ARHGAP10: variants seen among roughly 807,000 people sequenced by gnomAD.
ARHGAP10 encodes rho GTPase-activating protein 10.
ARHGAP10 carries 87 observed loss-of-function variants against 108.6 expected under a neutral mutation model. The ratio of observed to expected loss-of-function variants is 0.80; its 90% confidence interval spans 0.67 to 0.96. The LOEUF (loss-of-function observed/expected upper bound fraction) is 0.96. ARHGAP10 is among the 40% of genes least tolerant of loss of function. The pLI, the probability that ARHGAP10 is intolerant of heterozygous loss-of-function variation, is 0.00. For missense variants in ARHGAP10, 939 were observed against 954.5 expected, an observed-to-expected ratio of 0.98 and a Z score of 0.21; for synonymous variants, 347 against 341.1, an observed-to-expected ratio of 1.02 and a Z score of -0.19.
chr4:147,732,503 T>TG, intron 1 of ARHGAP10, 48 bp downstream of exon 1: 1 of 1,600,828 alleles, frequency 6.2e-7, no homozygotes, highest in Non-Finnish European at 8.5e-7. Flanking sequence ...GCGAGGCGGC[T>TG]GGGGGAGCCT....
chr4:147,850,490 G>A (rs138184890), intron 4 of ARHGAP10, among the ~76,000 whole-genome samples: 55 of 152,254 alleles, frequency 3.6e-4, no homozygotes, highest in African/African-American at 1.2e-3. Flanking sequence ...AACCCAGCGG[G>A]AGGAACAGAC....
Position 147,809,757 on chromosome 4 carries a change from C to T in ARHGAP10, c.155-12970C>T, listed in dbSNP as rs574630154. Among the ~76,000 whole-genome samples the T allele has an allele frequency of 3.9e-5, 6 of 152,258 alleles. No homozygotes were observed. In the East Asian group the frequency reaches 1.2e-3, roughly 29 times the overall value. On this transcript the variant is annotated intron_variant, in intron 1 of 22. Coordinates refer to ENST00000336498, the MANE Select transcript of ARHGAP10 (RefSeq NM_024605.4). ...GTTTTGGGATGACTCAAGTGCATGACATTTATCATTAGATTCTCATAAGGA... is the reference window on the plus strand; with the variant it reads ...GTTTTGGGATGACTCAAGTGCATGATATTTATCATTAGATTCTCATAAGGA...
At chr4:147,794,229 T>C (rs1171655151) in intron 1 of ARHGAP10, among the ~76,000 whole-genome samples, 1 of 152,192 alleles carries the variant, frequency 6.6e-6, no homozygotes, top group African/African-American at 2.4e-5. Flanking sequence ...AATTTGTTCA[T>C]TGAGAGAACA....
chr4:147,764,739 T>G (rs1729724750), intron 1 of ARHGAP10, among the ~76,000 whole-genome samples: 1 of 152,056 alleles, frequency 6.6e-6, no homozygotes, highest in African/African-American at 2.4e-5. Flanking sequence ...TTCGCTATGT[T>G]ACCCAGGCTG....
intron 13 of ARHGAP10, among the ~76,000 whole-genome samples, chr4:147,931,389 A>T (rs1737674965): frequency 6.6e-6 from 1 of 151,936 alleles, no homozygotes; most frequent in African/African-American, 2.4e-5. Context: ...GACAATATTG[A>T]TATCAATATC....
chr4:147,837,899 T>C (rs1395928180), intron 3 of ARHGAP10, among the ~76,000 whole-genome samples: 1 of 152,060 alleles, frequency 6.6e-6, no homozygotes, highest in Non-Finnish European at 1.5e-5. Context: ...CAACATTATT[T>C]TCCCAGAAGA....
chr4:147,927,812 G>A (rs1271421231), intron 13 of ARHGAP10, among the ~76,000 whole-genome samples: 2 of 152,198 alleles, frequency 1.3e-5, no homozygotes, highest in African/African-American at 4.8e-5. Flanking sequence ...CATGCTGTGA[G>A]GAAAAACTGA....
Position 147,866,854 on chromosome 4 carries a change from GA to G in ARHGAP10, c.702+42del. 4 of 1,500,550 alleles carry G rather than the reference GA, an allele frequency of 2.7e-6. No individual in the cohort carries two copies. In the Middle Eastern group the frequency reaches 7.2e-4, roughly 269 times the overall value. 93.0% of individuals were successfully genotyped at this position (1,500,550 alleles called of 1,614,324 possible). A position where few individuals can be genotyped will look rare whatever the true frequency, so the allele number is the denominator to read the frequency against. On this transcript the variant is annotated intron_variant, in intron 7 of 22. Transcript: ENST00000336498. ...AAGCTTTCTTTATAAAAAGATGTTT[GA>G]AAAGTATTTTTCATTTGTGTGTTGT...
intron 1 of ARHGAP10, among the ~76,000 whole-genome samples, chr4:147,814,498 C>T (rs1031312651): frequency 6.6e-6 from 1 of 152,092 alleles, no homozygotes; most frequent in Admixed American, 6.5e-5. Flanking sequence ...TAAATCCCTA[C>T]TAATATTTGC....
intron 1 of ARHGAP10, among the ~76,000 whole-genome samples, chr4:147,738,409 CG>C (rs1728507017): frequency 6.6e-6 from 1 of 151,962 alleles, no homozygotes; most frequent in African/African-American, 2.4e-5. Context: ...ATAAATTAGC[CG>C]GGCGTAGTGG....
In ARHGAP10 at chr4:147,732,398, A is replaced by C. The variant is rs752038829; in HGVS notation, c.97A>C (p.Asn33His). ...RAHEAELERT[N>H]KFIKELIKDG... is the part of the protein sequence containing the mutation. The stretch of plus-strand genomic sequence containing the variant: ...TCACGAAGCGGAACTCGAGAGGACC[A>C]ACAAGTTCATCAAAGAGCTCATTAA... Residue 33 changes from asparagine (N) to histidine (H), a missense_variant, in exon 1 of 23, where the codon AAC becomes CAC. Asn to His is a moderately conservative substitution (Grantham distance 68). Transcript: ENST00000336498. The C allele has an allele frequency of 6.2e-7, 1 of 1,613,406 alleles. No individual in the cohort carries two copies. The highest frequency in any genetic ancestry group is 8.5e-7 in the Non-Finnish European group (1 of 1,179,624).
intron 1 of ARHGAP10, among the ~76,000 whole-genome samples, chr4:147,796,470 C>T (rs140259588): frequency 6.6e-6 from 1 of 152,076 alleles, no homozygotes. Context: ...CATAATTCCT[C>T]CTCAGTCTGG....
intron 16 of ARHGAP10, among the ~76,000 whole-genome samples, chr4:147,964,744 G>A (rs891953724): frequency 2.0e-5 from 3 of 152,158 alleles, no homozygotes; most frequent in African/African-American, 7.2e-5. Flanking sequence ...GAGAAGCTTA[G>A]CAGCTGTCCG....
intron 3 of ARHGAP10, among the ~76,000 whole-genome samples, chr4:147,838,337 G>T (rs1733257241): frequency 6.6e-6 from 1 of 152,098 alleles, no homozygotes; most frequent in South Asian, 2.1e-4. Context: ...TGGCACAGTG[G>T]CTTGAATCCA....
chr4:147,750,927 T>G (rs1299508488), intron 1 of ARHGAP10, among the ~76,000 whole-genome samples: 1 of 151,968 alleles, frequency 6.6e-6, no homozygotes, highest in Non-Finnish European at 1.5e-5. Flanking sequence ...TTTAAAACAA[T>G]GAGCTTTGGA....
At chr4:148,010,522 A>C (rs1741129450) in intron 18 of ARHGAP10, among the ~76,000 whole-genome samples, 1 of 152,206 alleles carries the variant, frequency 6.6e-6, no homozygotes. Flanking sequence ...TACAATAAAC[A>C]TTGTATACCC....
At chr4:147,748,072 G>A (rs948468319) in intron 1 of ARHGAP10, among the ~76,000 whole-genome samples, 44 of 152,178 alleles carry the variant, frequency 2.9e-4, no homozygotes, top group African/African-American at 1.0e-3. Context: ...GTAGTGCTGA[G>A]GTTGAGAAAC....
intron 4 of ARHGAP10, among the ~76,000 whole-genome samples, chr4:147,850,733 A>G (rs1360593418): frequency 6.6e-6 from 1 of 152,200 alleles, no homozygotes; most frequent in Non-Finnish European, 1.5e-5. Context: ...AGAAGGAACC[A>G]ATTCTGGACA....
intron 17 of ARHGAP10, among the ~76,000 whole-genome samples, chr4:147,965,889 A>G (rs1739184685): frequency 6.6e-6 from 1 of 152,252 alleles, no homozygotes; most frequent in South Asian, 2.1e-4. Flanking sequence ...ACAGCTTCAG[A>G]TGATAAATAG....
Sources: gnomAD v4.1 joint callset for allele counts (sites outside exome capture counted in the v4.1 genomes callset) on GRCh38, gnomAD v4.1.1 for gene constraint, MANE v1.5 for transcripts, NCBI Gene and HGNC (gene_info 2026-07-23, HGNC 2026-07-21) for gene names.